The following DZIP3 variants were observed in gnomAD, a reference collection of about 807,000 sequenced individuals.
DZIP3 encodes DAZ interacting zinc finger protein 3.
In DZIP3, 118 loss-of-function variants were observed where a neutral mutation model predicts 162.0. The ratio of observed to expected loss-of-function variants is 0.73; its 90% confidence interval spans 0.63 to 0.85. DZIP3 has a LOEUF of 0.85. DZIP3 is among the 40% of genes least tolerant of loss of function. The pLI, the probability that DZIP3 is intolerant of heterozygous loss-of-function variation, is 0.00. For synonymous variants in DZIP3, 438 were observed against 458.6 expected (o/e 0.96, Z 0.57); for missense variants, 1,331 against 1,407.0 (o/e 0.95, Z 0.86).
At chr3:108,645,354 T>C (rs1942577976) in intron 14 of DZIP3, among the ~76,000 whole-genome samples, 1 of 152,226 alleles carries the variant, frequency 6.6e-6, no homozygotes, top group African/African-American at 2.4e-5. Context: ...ACAGTGTGGA[T>C]GTATGTTTCT....
At chr3:108,628,816 C>T (rs1210668966) in intron 7 of DZIP3, among the ~76,000 whole-genome samples, 1 of 152,072 alleles carries the variant, frequency 6.6e-6, no homozygotes, top group Non-Finnish European at 1.5e-5. Flanking sequence ...CTCTACAGTC[C>T]CTTTAATTAC....
Position 108,692,368 on chromosome 3 carries a change from C to T in DZIP3, c.*7-992C>T, listed in dbSNP as rs1272260077. Among the ~76,000 whole-genome samples, 3 of 152,114 alleles carry T rather than the reference C, an allele frequency of 2.0e-5. No individual in the cohort carries two copies. The East Asian group carries it at 5.8e-4, about 29-fold the overall frequency. On this transcript the variant is annotated intron_variant, in intron 32 of 32. Coordinates refer to ENST00000361582, the MANE Select transcript of DZIP3 (RefSeq NM_014648.4). ...CCCATGGGCTAAAGAATTTACATGT[C>T]TGCCCACAGCAAATGTACTCAGGCT... is the stretch of plus-strand genomic sequence containing the variant.
At position 108,626,722 on chromosome 3, in the gene DZIP3, T is replaced by C. The variant is rs943687274; in HGVS notation, c.581+753T>C. On this transcript the variant is annotated intron_variant, in intron 7 of 32. Coordinates refer to ENST00000361582, the MANE Select transcript of DZIP3 (RefSeq NM_014648.4). ...GTAACTGAAAGTACAGTGAAAGATA[T>C]AGATCTTAATCAACTAATCAGTCAT... Among the ~76,000 whole-genome samples the C allele has an allele frequency of 3.3e-5, 5 of 152,192 alleles. No individual in the cohort carries two copies. The South Asian group carries it at 6.2e-4, about 19-fold the overall frequency.
At chr3:108,647,000 C>T (rs1443783003) in intron 15 of DZIP3, among the ~76,000 whole-genome samples, 2 of 152,072 alleles carry the variant, frequency 1.3e-5, no homozygotes, top group Non-Finnish European at 1.5e-5. Context: ...AAGATCACGC[C>T]ACTGCATTCC....
At chr3:108,656,741 GA>G (rs1156399071) in intron 19 of DZIP3, among the ~76,000 whole-genome samples, 1 of 151,922 alleles carries the variant, frequency 6.6e-6, no homozygotes, top group Non-Finnish European at 1.5e-5. Flanking sequence ...TAAAAACCTT[GA>G]AAAAAATTAG....
chr3:108,635,651 T>C (rs1350332182), intron 10 of DZIP3, among the ~76,000 whole-genome samples: 1 of 146,828 alleles, frequency 6.8e-6, no homozygotes, highest in East Asian at 2.0e-4. Context: ...ATATATATTA[T>C]AATATTATAA....
chr3:108,662,008 G>T, intron 20 of DZIP3, 36 bp downstream of exon 20: 1 of 1,599,440 alleles, frequency 6.3e-7, no homozygotes. Context: ...ATGGAAGTGA[G>T]AAGTATTTCA....
chr3:108,631,090 CT>C (rs1314003472), intron 8 of DZIP3, among the ~76,000 whole-genome samples: 1 of 147,996 alleles, frequency 6.8e-6, no homozygotes, highest in Admixed American at 6.8e-5. Flanking sequence ...CTCTCTCTCT[CT>C]CTCCTATCCT....
chr3:108,595,237 A>T (rs920440039), intron 1 of DZIP3, among the ~76,000 whole-genome samples: 3 of 152,036 alleles, frequency 2.0e-5, no homozygotes, highest in African/African-American at 7.3e-5. Flanking sequence ...TTTGTAGGGG[A>T]GACAGCATCT....
At chr3:108,667,198 T>C (rs1943719774) in intron 21 of DZIP3, among the ~76,000 whole-genome samples, 1 of 149,156 alleles carries the variant, frequency 6.7e-6, no homozygotes, top group Non-Finnish European at 1.5e-5. Context: ...AAAAGAAAAA[T>C]AGTAGAGAAA....
chr3:108,623,250 C>CAT (rs1267831180), intron 5 of DZIP3, among the ~76,000 whole-genome samples: 7 of 152,100 alleles, frequency 4.6e-5, no homozygotes, highest in African/African-American at 1.7e-4. Flanking sequence ...CATCTCTCAC[C>CAT]ATAGCCACCA....
chr3:108,590,047 C>T (rs1428211934), intron 1 of DZIP3: 3 of 152,148 alleles, frequency 2.0e-5, no homozygotes, highest in Non-Finnish European at 4.4e-5. Context: ...TCCTGCTGAC[C>T]CTGGGCCAGG....
chr3:108,611,404 A>C, intron 4 of DZIP3, 75 bp downstream of exon 4: 2 of 1,551,800 alleles, frequency 1.3e-6, no homozygotes, highest in Non-Finnish European at 1.7e-6. Context: ...AATTCTTTTT[A>C]AACCACACAG....
intron 15 of DZIP3, 42 bp from the exon 16 acceptor site, chr3:108,647,901 T>C: frequency 7.1e-7 from 1 of 1,415,744 alleles, no homozygotes; most frequent in Non-Finnish European, 9.3e-7. Flanking sequence ...AAGCTGAAAT[T>C]GCTTTCATCT....
At chr3:108,638,862 A>G (rs1215781636) in intron 12 of DZIP3, among the ~76,000 whole-genome samples, 1 of 152,208 alleles carries the variant, frequency 6.6e-6, no homozygotes, top group Non-Finnish European at 1.5e-5. Flanking sequence ...CTCTTAAAAT[A>G]AAGTTCAGAT....
At chr3:108,679,520 A>G (rs1944228563) in intron 26 of DZIP3, among the ~76,000 whole-genome samples, 4 of 152,072 alleles carry the variant, frequency 2.6e-5, no homozygotes, top group Admixed American at 2.6e-4. Flanking sequence ...GCTGTGCTTG[A>G]TTAAGCTAAC....
chr3:108,626,052 G>A lies in DZIP3; in HGVS notation c.581+83G>A, dbSNP rs527524670. 4.5e-4 allele frequency: 645 copies of A among 1,426,062 alleles called. 2 individuals are homozygous for A. The highest frequency in any genetic ancestry group is 2.4e-3 in the African/African-American group (164 of 69,264). 88.3% of individuals were successfully genotyped at this position (1,426,062 alleles called of 1,614,324 possible). A position where few individuals can be genotyped will look rare whatever the true frequency, so the allele number is the denominator to read the frequency against. ...GAAGTAAGTGTGCACAGTATATCAG[G>A]CATTGTGACATTTGTGCTCTACTGT... On this transcript the variant is annotated intron_variant, in intron 7 of 32. Transcript: ENST00000361582.
intron 19 of DZIP3, among the ~76,000 whole-genome samples, chr3:108,659,934 A>T (rs1943341177): frequency 6.6e-6 from 1 of 152,188 alleles, no homozygotes; most frequent in Non-Finnish European, 1.5e-5. Flanking sequence ...CTTACAAGGG[A>T]TGTGAAGGAC....
chr3:108,602,408 A>G (rs142258426), intron 1 of DZIP3, among the ~76,000 whole-genome samples: 3 of 152,300 alleles, frequency 2.0e-5, no homozygotes, highest in African/African-American at 7.2e-5. Context: ...TTCAACCAGT[A>G]AAACACAGCC....
Sources: gnomAD v4.1 joint callset for allele counts (sites outside exome capture counted in the v4.1 genomes callset) on GRCh38, gnomAD v4.1.1 for gene constraint, MANE v1.5 for transcripts, NCBI Gene and HGNC (gene_info 2026-07-23, HGNC 2026-07-21) for gene names.